ZDHHC14: variants seen among roughly 807,000 people sequenced by gnomAD.
ZDHHC14 encodes palmitoyltransferase ZDHHC14.
A neutral mutation model predicts 47.7 loss-of-function variants in ZDHHC14; 16 were observed. The observed-to-expected ratio is 0.34, with a 90% CI of 0.23 to 0.51. The LOEUF (loss-of-function observed/expected upper bound fraction) is 0.51, where lower values mean the gene tolerates loss of function less well. ZDHHC14 is among the 20% of genes least tolerant of loss of function. The pLI is 0.97. For synonymous variants in ZDHHC14, 293 were observed against 278.9 expected (o/e 1.05, Z -0.50); for missense variants, 515 against 662.5 (o/e 0.78, Z 2.44).
chr6:157,579,304 T>C (rs1011862973), intron 2 of ZDHHC14, among the ~76,000 whole-genome samples: 2 of 145,244 alleles, frequency 1.4e-5, no homozygotes, highest in Non-Finnish European at 3.0e-5. Context: ...TTCATGCCAT[T>C]CTCCTGCCTC....
At chr6:157,660,031 A>G (rs1778277849) in intron 8 of ZDHHC14, among the ~76,000 whole-genome samples, 1 of 152,116 alleles carries the variant, frequency 6.6e-6, no homozygotes, top group African/African-American at 2.4e-5. Flanking sequence ...TATTGATACT[A>G]TCATTGCAAG....
chr6:157,648,181 T>A (rs918731566), intron 7 of ZDHHC14, among the ~76,000 whole-genome samples: 2 of 152,234 alleles, frequency 1.3e-5, no homozygotes, highest in Non-Finnish European at 2.9e-5. Context: ...TATTTTCAAC[T>A]GATAAATCAA....
chr6:157,529,459 T>A (rs1400897950), intron 1 of ZDHHC14, among the ~76,000 whole-genome samples: 3 of 152,210 alleles, frequency 2.0e-5, no homozygotes, highest in Non-Finnish European at 2.9e-5. Flanking sequence ...CCTGGGAATC[T>A]GTGGTTTCTG....
intron 4 of ZDHHC14, chr6:157,631,092 C>T (rs1172792706): frequency 6.6e-6 from 1 of 152,378 alleles, no homozygotes; most frequent in African/African-American, 2.4e-5. Flanking sequence ...GCTACACCCA[C>T]ACTCATATAT....
At chr6:157,524,402 G>A (rs2114772378) in intron 1 of ZDHHC14, among the ~76,000 whole-genome samples, 1 of 152,222 alleles carries the variant, frequency 6.6e-6, no homozygotes, top group African/African-American at 2.4e-5. Flanking sequence ...CCAAAGTGCT[G>A]GGATTATAGG....
chr6:157,485,532 A>G (rs1779756789), intron 1 of ZDHHC14, among the ~76,000 whole-genome samples: 1 of 152,024 alleles, frequency 6.6e-6, no homozygotes, highest in South Asian at 2.1e-4. Context: ...TTCTGGCTTT[A>G]TGGTTTTTCT....
At chr6:157,587,244 G>T (rs571889991) in intron 2 of ZDHHC14, among the ~76,000 whole-genome samples, 1 of 152,186 alleles carries the variant, frequency 6.6e-6, no homozygotes, top group African/African-American at 2.4e-5. Context: ...TATTAATCTA[G>T]GCCTCAGTGG....
intron 1 of ZDHHC14, among the ~76,000 whole-genome samples, chr6:157,522,844 C>T (rs1278239118): frequency 0.084 from 2,681 of 32,022 alleles, 133 homozygotes; most frequent in African/African-American, 0.15. Context: ...TCCCTTCCTT[C>T]CTTCCTTTCC....
At chr6:157,564,568 A>G (rs1782830782) in intron 2 of ZDHHC14, among the ~76,000 whole-genome samples, 1 of 152,272 alleles carries the variant, frequency 6.6e-6, no homozygotes, top group Admixed American at 6.5e-5. Flanking sequence ...GGTAGTAAAC[A>G]TTGAAAATAA....
At chr6:157,600,531 G>A (rs1454569662) in intron 3 of ZDHHC14, among the ~76,000 whole-genome samples, 2 of 152,102 alleles carry the variant, frequency 1.3e-5, no homozygotes, top group African/African-American at 4.8e-5. Context: ...TCAGCCTCCC[G>A]AGTAGCTGGG....
chr6:157,601,066 G>T (rs1224344041), intron 3 of ZDHHC14, among the ~76,000 whole-genome samples: 1 of 152,214 alleles, frequency 6.6e-6, no homozygotes, highest in East Asian at 1.9e-4. Context: ...TGGAGAGGCT[G>T]CCCTGGCCGC....
At chr6:157,406,044 C>G (rs1777753002) in intron 1 of ZDHHC14, among the ~76,000 whole-genome samples, 2 of 152,266 alleles carry the variant, frequency 1.3e-5, no homozygotes, top group Middle Eastern at 3.4e-3. Context: ...TTGAGTTAAA[C>G]CTTGTCCTTT....
intron 5 of ZDHHC14, among the ~76,000 whole-genome samples, chr6:157,636,823 C>T (rs999900745): frequency 6.6e-6 from 1 of 152,220 alleles, no homozygotes; most frequent in Non-Finnish European, 1.5e-5. Context: ...CACACCCACT[C>T]TGCGAAGCAA....
intron 1 of ZDHHC14, among the ~76,000 whole-genome samples, chr6:157,527,123 T>C (rs978816056): frequency 5.3e-5 from 8 of 152,134 alleles, no homozygotes; most frequent in Non-Finnish European, 1.0e-4. Context: ...TGGCCGTAGG[T>C]AAGGCCAACG....
chr6:157,512,321 A>G (rs1018935917), intron 1 of ZDHHC14, among the ~76,000 whole-genome samples: 2 of 152,200 alleles, frequency 1.3e-5, no homozygotes, highest in Non-Finnish European at 2.9e-5. Context: ...TGCCCTCCTC[A>G]GAAGCCCCTT....
At chr6:157,422,026 C>T (rs951865764) in intron 1 of ZDHHC14, among the ~76,000 whole-genome samples, 4 of 152,200 alleles carry the variant, frequency 2.6e-5, no homozygotes, top group Admixed American at 2.6e-4. Flanking sequence ...GGCGATTTAG[C>T]TCCACTTAGC....
At chr6:157,574,704 T>G (rs1192959816) in intron 2 of ZDHHC14, among the ~76,000 whole-genome samples, 1 of 152,252 alleles carries the variant, frequency 6.6e-6, no homozygotes. Flanking sequence ...TTAAAGTTTC[T>G]GGAATGTATC....
chr6:157,645,284 G>T (rs1200127016), intron 5 of ZDHHC14, among the ~76,000 whole-genome samples: 1 of 152,156 alleles, frequency 6.6e-6, no homozygotes, highest in Non-Finnish European at 1.5e-5. Context: ...GCAGTCCTCA[G>T]CATTCAGAAG....
intron 1 of ZDHHC14, among the ~76,000 whole-genome samples, chr6:157,472,373 T>C (rs1779377303): frequency 6.6e-6 from 1 of 151,946 alleles, no homozygotes; most frequent in African/African-American, 2.4e-5. Flanking sequence ...ACTGGGATGG[T>C]CCCTCCACAG....
Sources: gnomAD v4.1 joint callset for allele counts (sites outside exome capture counted in the v4.1 genomes callset) on GRCh38, gnomAD v4.1.1 for gene constraint, MANE v1.5 for transcripts, NCBI Gene and HGNC (gene_info 2026-07-23, HGNC 2026-07-21) for gene names.